The following KIF18B variants were observed in gnomAD, a reference collection of about 807,000 sequenced individuals.
KIF18B encodes the protein kinesin family member 18B.
In KIF18B, 49 loss-of-function variants were observed where a neutral mutation model predicts 80.9. The ratio of observed to expected loss-of-function variants is 0.61; its 90% CI spans 0.48 to 0.77. The LOEUF is 0.77. KIF18B is among the 30% of genes least tolerant of loss of function. The pLI is 0.00. For synonymous variants in KIF18B, 439 were observed against 463.9 expected (o/e 0.95, Z 0.69); for missense variants, 994 against 1,127.7 (o/e 0.88, Z 1.70).
chr17:44,943,181 G>A (rs1283566375), intron 1 of KIF18B, among the ~76,000 whole-genome samples: 1 of 151,950 alleles, frequency 6.6e-6, no homozygotes, highest in East Asian at 1.9e-4. Context: ...CTCACTGCAA[G>A]CTCCGCCTCC....
intron 1 of KIF18B, among the ~76,000 whole-genome samples, chr17:44,946,022 C>T (rs1326664752): frequency 6.7e-6 from 1 of 149,634 alleles, no homozygotes; most frequent in Non-Finnish European, 1.5e-5. Context: ...GAGTTCAAGA[C>T]CAGCCTGGGC....
At chr17:44,936,776 A>C (rs1286061903) in intron 1 of KIF18B, among the ~76,000 whole-genome samples, 1 of 149,424 alleles carries the variant, frequency 6.7e-6, no homozygotes, top group East Asian at 2.0e-4. Flanking sequence ...AGTAGCTGGG[A>C]TTACAGGTGT....
chr17:44,943,406 GT>G (rs985672617), intron 1 of KIF18B, among the ~76,000 whole-genome samples: 1 of 151,920 alleles, frequency 6.6e-6, no homozygotes, highest in African/African-American at 2.4e-5. Context: ...GGCCTCTTTT[GT>G]TTTTTTAAAT....
In KIF18B at chr17:44,947,681, C is replaced by G. The variant is rs575793244; in HGVS notation, c.-68G>C. The G allele has an allele frequency of 1.4e-4, 22 of 152,714 alleles. 1 individual carries two copies. Among genetic ancestry groups the G allele is most frequent in the African/African-American group, 5.3e-4 (22 of 41,582 alleles). The allele number at this position is 152,714 out of a possible 1,614,324, so 9.5% of individuals were successfully genotyped here. ...GCTGCTTGCTCACGGGTCCCACAGC[C>G]ACACCACAGACAGCAGTACCCACAC... On this transcript the variant is annotated 5_prime_UTR_variant, in exon 1 of 16. Coordinates refer to ENST00000593135, the MANE Select transcript of KIF18B (RefSeq NM_001265577.2).
chr17:44,931,595 T>C lies in KIF18B; in HGVS notation c.1517+7A>G, dbSNP rs367825215. ...TTGATTCCAGAATACAGCAAGAAGA[T>C]ACCTACTGCTTAGAACGGTCCCCAT... On this transcript the variant is annotated splice_region_variant and intron_variant, in intron 11 of 15. Transcript: ENST00000593135. The C allele has an allele frequency of 9.3e-6, 15 of 1,613,796 alleles. No homozygotes were observed. Among genetic ancestry groups the C allele is most frequent in the Middle Eastern group, 1.6e-4 (1 of 6,084 alleles).
Position 44,926,432 on chromosome 17 carries a change from CAG to C in KIF18B, c.2432_2433del (p.Ala811GlyfsTer16). 6.3e-7 allele frequency: 1 copy of C among 1,578,708 alleles called. No individual in the cohort carries two copies. ...CAGTCACCTGGGAGTACAAGGGGCCCAGCTGGCCTCTTCAAAGTGCTGCTGGG... is the reference window on the plus strand; with the variant it reads ...CAGTCACCTGGGAGTACAAGGGGCCCCTGGCCTCTTCAAAGTGCTGCTGGG... ...RLPSSTLKRP[A>X]GPLVLPELPL... is the part of the protein sequence containing the mutation. On this transcript the variant is annotated frameshift_variant, in exon 15 of 16. Transcript: ENST00000593135. LOFTEE classifies it low-confidence loss of function (END_TRUNC).
At chr17:44,938,156 C>T (rs1001862423) in intron 1 of KIF18B, among the ~76,000 whole-genome samples, 3 of 152,180 alleles carry the variant, frequency 2.0e-5, no homozygotes, top group Non-Finnish European at 2.9e-5. Context: ...GCTGGGATTA[C>T]AGGTGCCCGC....
chr17:44,939,366 CAAAAAAAAAAAAAAA>C (rs781348504), intron 1 of KIF18B, among the ~76,000 whole-genome samples: 4 of 36,942 alleles, frequency 1.1e-4, no homozygotes, highest in African/African-American at 4.2e-4. Context: ...GACTCCATCT[CAAAAAAAAAAAAAAA>C]AAAAAAAAAA....
At chr17:44,946,409 G>A (rs993952039) in intron 1 of KIF18B, among the ~76,000 whole-genome samples, 10 of 152,144 alleles carry the variant, frequency 6.6e-5, no homozygotes, top group African/African-American at 1.9e-4. Flanking sequence ...TGCAGTGACT[G>A]GGGAAGAAAT....
At position 44,934,795 on chromosome 17, in the gene KIF18B, T is replaced by G; in HGVS notation, c.576+36A>C. The G allele has an allele frequency of 6.8e-7, 1 of 1,465,012 alleles. No individual in the cohort carries two copies. Among genetic ancestry groups the G allele is most frequent in the Non-Finnish European group, 9.3e-7 (1 of 1,073,874 alleles). 90.8% of individuals were successfully genotyped at this position (1,465,012 alleles called of 1,614,324 possible). On this transcript the variant is annotated intron_variant, in intron 4 of 15. Transcript: ENST00000593135. This position sits in a 1 kb window ranked among gnomAD's most constrained non-coding sequence, Gnocchi z 5.4. ...TTTGTGAGGGAACCCCAAGGACCCA[T>G]GGGGCCGATCATCCTACCCGAGCCC...
In KIF18B at chr17:44,947,614, G is replaced by T. The variant is rs2052537267; in HGVS notation, c.-15+14C>A. 1 of 152,334 alleles carries T rather than the reference G, an allele frequency of 6.6e-6. No individual in the cohort carries two copies. Among genetic ancestry groups the T allele is most frequent in the African/African-American group, 2.4e-5 (1 of 41,446 alleles). The allele number at this position is 152,334 out of a possible 1,614,324, so 9.4% of individuals were successfully genotyped here. ...GCGTTCGCGCGGTCGGTTCCGCCGT[G>T]GGCCAGGACTTACCTTTCGTCGGTT... On this transcript the variant is annotated intron_variant, in intron 1 of 15. Coordinates refer to ENST00000593135, the MANE Select transcript of KIF18B (RefSeq NM_001265577.2).
chr17:44,934,893 G>T lies in KIF18B; in HGVS notation c.514C>A (p.Pro172Thr), dbSNP rs758193304. Residue 172 changes from proline to threonine, a missense_variant, in exon 4 of 16, where the codon CCC becomes ACC. By Grantham distance (38) the Pro-to-Thr change is conservative. Transcript: ENST00000593135. The surrounding 1 kb of genome is among the most constrained non-coding windows in gnomAD (Gnocchi z 5.4). ...TCGGGGTCCTCGCGGATGGCAAGGG[G>T]CCCCTTGGGCTCCAGGAGGTCATGG... ...QIHDLLEPKGPLAIREDPDKG... is the reference protein window; with the variant it reads ...QIHDLLEPKGTLAIREDPDKG... 2 of 1,551,860 alleles carry T rather than the reference G, an allele frequency of 1.3e-6. No individual in the cohort carries two copies. Among genetic ancestry groups the T allele is most frequent in the South Asian group, 2.4e-5 (2 of 84,102 alleles).
chr17:44,945,462 T>C (rs1272717231), intron 1 of KIF18B, among the ~76,000 whole-genome samples: 3 of 152,382 alleles, frequency 2.0e-5, no homozygotes, highest in Non-Finnish European at 4.4e-5. Flanking sequence ...AATGTTCTAA[T>C]ATAAGCATTT....
chr17:44,939,366 C>CAA (rs781348504), intron 1 of KIF18B, among the ~76,000 whole-genome samples: 10,316 of 36,862 alleles, frequency 0.28, 2,533 homozygotes, highest in Non-Finnish European at 0.34. Context: ...GACTCCATCT[C>CAA]AAAAAAAAAA....
intron 14 of KIF18B, 21 bp downstream of exon 14, chr17:44,926,968 C>G: frequency 1.9e-6 from 3 of 1,590,560 alleles, no homozygotes; most frequent in Non-Finnish European, 2.6e-6. Context: ...TCCCAGACAG[C>G]TGACACCTCC....
In KIF18B at chr17:44,932,738, C is replaced by G; in HGVS notation, c.1173G>C (p.Glu391Asp). 1.2e-6 allele frequency: 2 copies of G among 1,613,398 alleles called. No homozygotes were observed. Among genetic ancestry groups the G allele is most frequent in the Non-Finnish European group, 1.7e-6 (2 of 1,179,746 alleles). Residue 391 changes from glutamate to aspartate, a missense_variant, in exon 9 of 16, where the codon GAG (glutamate) becomes GAC (aspartate). Transcript: ENST00000593135. The stretch of plus-strand genomic sequence containing the variant: ...CCTGTGGTGGGGGCTGGCCTCCCCC[C>G]TCATACACTTGGAGCTTCTTCCTCA... Reference protein sequence around the residue: ...AALRKKLQVYEGGGQPPPQDL... With the variant: ...AALRKKLQVYDGGGQPPPQDL...
chr17:44,941,559 G>A (rs890121174), intron 1 of KIF18B, among the ~76,000 whole-genome samples: 3 of 152,018 alleles, frequency 2.0e-5, no homozygotes, highest in African/African-American at 7.2e-5. Context: ...GGCTGGTCTC[G>A]CACCCCTGAC....
rs897782910 is a variant in KIF18B at position 44,925,689 on chromosome 17, G to T, written c.*391C>A. On this transcript the variant is annotated 3_prime_UTR_variant, in exon 16 of 16. Coordinates refer to ENST00000593135, the MANE Select transcript of KIF18B (RefSeq NM_001265577.2). The stretch of plus-strand genomic sequence containing the variant: ...CCAGCTACTTGGAAAGCTGAGGCAG[G>T]AGAATTACTTGAACCCAGGAGGCGG... The T allele has an allele frequency of 8.6e-6, 2 of 232,874 alleles. No individual in the cohort carries two copies. The highest frequency in any genetic ancestry group is 1.7e-5 in the Non-Finnish European group (2 of 120,416). The allele number at this position is 232,874 out of a possible 1,614,324, so 14.4% of individuals were successfully genotyped here.
chr17:44,928,312 G>A lies in KIF18B; in HGVS notation c.1990C>T (p.Pro664Ser). The change falls in exon 13 of 16, where the codon CCT becomes TCT. Residue 664 changes from proline to serine, a missense_variant. Physicochemically the swap from Pro to Ser is moderately conservative, Grantham distance 74. Transcript: ENST00000593135. ...FLPCLRRGSL[P>S]DTQPSQGPST... ...GGCCCCTGTGAAGGTTGGGTGTCAGGCAGAGACCCTCTCCTTAGGCAGGGC... is the reference window on the plus strand; with the variant it reads ...GGCCCCTGTGAAGGTTGGGTGTCAGACAGAGACCCTCTCCTTAGGCAGGGC... 6.2e-7 allele frequency: 1 copy of A among 1,612,938 alleles called. No individual in the cohort carries two copies. Among genetic ancestry groups the A allele is most frequent in the Non-Finnish European group, 8.5e-7 (1 of 1,179,676 alleles).
Sources: allele counts gnomAD v4.1 joint callset (sites outside exome capture counted in the v4.1 genomes callset), GRCh38; gene constraint gnomAD v4.1.1; non-coding constraint Gnocchi (gnomAD v3.1); transcripts MANE v1.5; gene names NCBI Gene and HGNC (gene_info 2026-07-23, HGNC 2026-07-21).